Variants in EYS observed in about 807,000 individuals in gnomAD.
EYS encodes the protein protein eyes shut homolog.
A neutral mutation model predicts 282.1 loss-of-function variants in EYS; 250 were observed. The ratio of observed to expected loss-of-function variants is 0.89; its 90% CI spans 0.80 to 0.98. The LOEUF (loss-of-function observed/expected upper bound fraction) is 0.98. Among genes scored for constraint, EYS ranks in the 50% least tolerant of loss-of-function variants. EYS has a pLI of 0.00. For missense variants in EYS, 4,016 were observed against 3,709.0 expected, an observed-to-expected ratio of 1.08 and a Z score of -2.15; for synonymous variants, 1,355 against 1,282.9, an observed-to-expected ratio of 1.06 and a Z score of -1.20.
intron 12 of EYS, among the ~76,000 whole-genome samples, chr6:65,185,790 T>A (rs1765503337): frequency 6.6e-6 from 1 of 151,802 alleles, no homozygotes; most frequent in Non-Finnish European, 1.5e-5. Context: ...TAGTTGATTG[T>A]TACCTGGCTA....
At chr6:64,446,341 T>A (rs1775116397) in intron 26 of EYS, among the ~76,000 whole-genome samples, 2 of 152,148 alleles carry the variant, frequency 1.3e-5, no homozygotes, top group South Asian at 4.1e-4. Flanking sequence ...AGAGTTTTTT[T>A]AATAGACTAG....
At chr6:63,759,762 A>G (rs1316682854) in intron 41 of EYS, among the ~76,000 whole-genome samples, 1 of 152,124 alleles carries the variant, frequency 6.6e-6, no homozygotes, top group Non-Finnish European at 1.5e-5. Context: ...CAAGTATTTG[A>G]AAACAGGAAA....
At chr6:64,115,531 T>C (rs954954683) in intron 31 of EYS, among the ~76,000 whole-genome samples, 1 of 152,152 alleles carries the variant, frequency 6.6e-6, no homozygotes, top group African/African-American at 2.4e-5. Context: ...GCCACTACTG[T>C]GGATACTCAT....
chr6:63,835,937 A>G (rs1047238919), intron 36 of EYS, among the ~76,000 whole-genome samples: 1 of 152,076 alleles, frequency 6.6e-6, no homozygotes, highest in African/African-American at 2.4e-5. Context: ...CCATTCTATA[A>G]ATATAACAAA....
At chr6:65,292,406 G>A (rs993911981) in intron 12 of EYS, among the ~76,000 whole-genome samples, 1 of 151,620 alleles carries the variant, frequency 6.6e-6, no homozygotes, top group Non-Finnish European at 1.5e-5. Context: ...GAATGTCGAA[G>A]GAAGCAATCA....
intron 31 of EYS, among the ~76,000 whole-genome samples, chr6:64,195,422 C>T (rs1295699245): frequency 6.6e-6 from 1 of 152,170 alleles, no homozygotes; most frequent in Non-Finnish European, 1.5e-5. Context: ...CCTGCCTCAG[C>T]CTCCCAAGTA....
intron 29 of EYS, among the ~76,000 whole-genome samples, chr6:64,366,829 G>T (rs1772199021): frequency 6.6e-6 from 1 of 152,044 alleles, no homozygotes; most frequent in Admixed American, 6.6e-5. Flanking sequence ...TGTTGAAAGT[G>T]CTTGCTCTTT....
At chr6:64,534,039 A>G (rs1042407464) in intron 26 of EYS, among the ~76,000 whole-genome samples, 1 of 151,868 alleles carries the variant, frequency 6.6e-6, no homozygotes, top group African/African-American at 2.4e-5. Flanking sequence ...AGAAAAGTGG[A>G]CAAGAGAACT....
intron 20 of EYS, among the ~76,000 whole-genome samples, chr6:64,822,058 C>T (rs570542368): frequency 6.6e-6 from 1 of 152,156 alleles, no homozygotes; most frequent in East Asian, 1.9e-4. Context: ...TTCTCTCTTC[C>T]CTGCTTACAA....
At position 65,191,948 on chromosome 6, in the gene EYS, C is replaced by G. The variant is rs7741803; in HGVS notation, c.2023+103915G>C. 6.6e-3 allele frequency among the ~76,000 whole-genome samples: 966 copies of G among 146,098 alleles called. 12 individuals carry two copies. Among genetic ancestry groups the G allele is most frequent in the African/African-American group, 0.023 (908 of 40,082 alleles). The stretch of plus-strand genomic sequence containing the variant: ...GGGTAATGCATTGTATTCATTTGTA[C>G]TTTTTTTTTTTTCAAATTTTAAAGA... On this transcript the variant is annotated intron_variant, in intron 12 of 42. Transcript: ENST00000503581.
chr6:64,573,899 C>A (rs1765801280), intron 26 of EYS, among the ~76,000 whole-genome samples: 1 of 151,996 alleles, frequency 6.6e-6, no homozygotes, highest in Admixed American at 6.6e-5. Flanking sequence ...CCAGAAATAC[C>A]ATTTGACCCA....
chr6:65,440,896 T>C (rs1768293389), intron 5 of EYS, among the ~76,000 whole-genome samples: 1 of 147,350 alleles, frequency 6.8e-6, no homozygotes, highest in South Asian at 2.1e-4. Flanking sequence ...TATATGTTTA[T>C]GTATAATATA....
intron 22 of EYS, among the ~76,000 whole-genome samples, chr6:64,761,896 CT>C: frequency 6.6e-6 from 1 of 152,102 alleles, no homozygotes; most frequent in Non-Finnish European, 1.5e-5. Context: ...TAAAAATTAC[CT>C]TTTGGGGGAG....
rs1475655203 is a variant in EYS at position 64,591,713 on chromosome 6, G to A, written c.4154C>T (p.Pro1385Leu). ...AAATGGGGTCCTTGCTCTCCTATCA[G>A]GAAAAAAGAAACCTAGTGTGGCTGC... ...TSAATLGFFF[P>L]DRRARTPFIM... The change falls in exon 26 of 43, where the codon CCT (proline) becomes CTT (leucine). Residue 1385 changes from proline to leucine, a missense_variant. Transcript: ENST00000503581. 8 of 1,551,216 alleles carry A rather than the reference G, an allele frequency of 5.2e-6. No individual in the cohort carries two copies. Among genetic ancestry groups the A allele is most frequent in the Non-Finnish European group, 2.6e-6 (3 of 1,146,714 alleles).
At chr6:64,258,028 C>T (rs181996880) in intron 30 of EYS, among the ~76,000 whole-genome samples, 9 of 152,104 alleles carry the variant, frequency 5.9e-5, no homozygotes, top group Admixed American at 2.0e-4. Context: ...ATGGCTCTTG[C>T]ACCACAGAAA....
chr6:64,247,575 C>T (rs1490716282), intron 30 of EYS, among the ~76,000 whole-genome samples: 6 of 152,032 alleles, frequency 3.9e-5, no homozygotes, highest in Admixed American at 2.6e-4. Context: ...AAAACTCACC[C>T]ATCAATATTA....
chr6:64,092,702 T>C (rs1246867207), intron 31 of EYS, among the ~76,000 whole-genome samples: 3 of 151,732 alleles, frequency 2.0e-5, no homozygotes, highest in Non-Finnish European at 4.4e-5. Flanking sequence ...ATTTTGTAGG[T>C]TGCCTGTTCA....
intron 2 of EYS, among the ~76,000 whole-genome samples, chr6:65,594,737 C>G (rs1215556151): frequency 1.3e-5 from 2 of 152,028 alleles, no homozygotes; most frequent in Non-Finnish European, 2.9e-5. Context: ...AAGTCCTTGC[C>G]CATGCCTATG....
At chr6:65,328,742 A>T (rs1769694174) in intron 11 of EYS, among the ~76,000 whole-genome samples, 1 of 143,444 alleles carries the variant, frequency 7.0e-6, no homozygotes, top group African/African-American at 2.5e-5. Flanking sequence ...AAATATTATA[A>T]TTATTAGTTT....
Sources: allele counts gnomAD v4.1 joint callset (sites outside exome capture counted in the v4.1 genomes callset), GRCh38; gene constraint gnomAD v4.1.1; transcripts MANE v1.5; gene names NCBI Gene and HGNC (gene_info 2026-07-23, HGNC 2026-07-21).